TNRC6B: variants seen among roughly 807,000 people sequenced by gnomAD.
TNRC6B encodes trinucleotide repeat containing adaptor 6B, also known as trinucleotide repeat-containing gene 6B protein.
A neutral mutation model predicts 203.6 loss-of-function variants in TNRC6B; 52 were observed. The ratio of observed to expected loss-of-function variants is 0.26; its 90% CI spans 0.20 to 0.32. The LOEUF is 0.32. TNRC6B is among the 10% of genes least tolerant of loss of function. TNRC6B has a pLI of 1.00. For synonymous variants in TNRC6B, 838 were observed against 845.7 expected, an observed-to-expected ratio of 0.99 and a Z score of 0.16; for missense variants, 1,923 against 2,286.2, an observed-to-expected ratio of 0.84 and a Z score of 3.24.
intron 22 of TNRC6B, among the ~76,000 whole-genome samples, chr22:40,322,192 CTAAG>C (rs1210683397): frequency 6.6e-6 from 1 of 152,182 alleles, no homozygotes; most frequent in African/African-American, 2.4e-5. Flanking sequence ...TCCTTTTTAT[CTAAG>C]GCTTTATTTA....
At chr22:40,189,818 A>C (rs942057298) in intron 1 of TNRC6B, among the ~76,000 whole-genome samples, 1 of 152,198 alleles carries the variant, frequency 6.6e-6, no homozygotes, top group Non-Finnish European at 1.5e-5. Flanking sequence ...AGGTTGAAAA[A>C]GACACATTGG....
chr22:40,159,087 C>G (rs1249973667), intron 4 of TNRC6B, among the ~76,000 whole-genome samples: 1 of 151,476 alleles, frequency 6.6e-6, no homozygotes, highest in East Asian at 2.0e-4. Flanking sequence ...CTCAGCCTCC[C>G]GAGTAGCTGG....
intron 15 of TNRC6B, among the ~76,000 whole-genome samples, chr22:40,303,432 T>G (rs1569061982): frequency 6.6e-6 from 1 of 152,264 alleles, no homozygotes; most frequent in Non-Finnish European, 1.5e-5. Flanking sequence ...GTTTCATAAG[T>G]AACTTGTAAA....
At chr22:40,138,176 G>A (rs984701590) in intron 3 of TNRC6B, among the ~76,000 whole-genome samples, 1 of 152,210 alleles carries the variant, frequency 6.6e-6, no homozygotes, top group African/African-American at 2.4e-5. Flanking sequence ...CAGGAAGGAT[G>A]GGAGGAGAGC....
At chr22:40,128,483 T>C (rs2068513253) in intron 3 of TNRC6B, among the ~76,000 whole-genome samples, 1 of 152,188 alleles carries the variant, frequency 6.6e-6, no homozygotes, top group South Asian at 2.1e-4. Context: ...TTGTTCAATA[T>C]ATTTTTTTTG....
chr22:40,225,122 A>T (rs531732370), intron 1 of TNRC6B, among the ~76,000 whole-genome samples: 21 of 152,302 alleles, frequency 1.4e-4, no homozygotes, highest in African/African-American at 4.3e-4. Context: ...ATAAAATTTG[A>T]TTTTAAAGTG....
chr22:40,204,735 A>G (rs2069458114), intron 1 of TNRC6B, among the ~76,000 whole-genome samples: 1 of 152,162 alleles, frequency 6.6e-6, no homozygotes, highest in African/African-American at 2.4e-5. Flanking sequence ...GGCTACTAAG[A>G]AGCTCTGCTG....
Position 40,246,107 on chromosome 22 carries a change from G to GTTTAATCAGTTAA in TNRC6B, c.93+6_93+18dup, listed in dbSNP as rs1172969747. 3 of 1,543,598 alleles carry GTTTAATCAGTTAA rather than the reference G, an allele frequency of 1.9e-6. No homozygotes were observed. The East Asian group carries it at 7.4e-5, about 38-fold the overall frequency. Reference sequence around the variant, plus strand: ...AAAAAAGAAGCCACTCAGAAGGTAGGTTTAATCAGTTAAGTCTGTCTTTTT... The same window carrying GTTTAATCAGTTAA: ...AAAAAAGAAGCCACTCAGAAGGTAGGTTTAATCAGTTAATTTAATCAGTTAAGTCTGTCTTTTT... On this transcript the variant is annotated splice_donor_region_variant and intron_variant, in intron 2 of 22. Transcript: ENST00000454349.
chr22:40,181,387 A>G (rs1231796902), intron 1 of TNRC6B, among the ~76,000 whole-genome samples: 2 of 151,982 alleles, frequency 1.3e-5, no homozygotes, highest in Non-Finnish European at 2.9e-5. Context: ...CTGCTCCATG[A>G]CTGAAAAGTT....
intron 4 of TNRC6B, among the ~76,000 whole-genome samples, chr22:40,263,782 A>T (rs796091378): frequency 3.9e-5 from 6 of 152,306 alleles, no homozygotes; most frequent in African/African-American, 1.4e-4. Flanking sequence ...TACTCATGTG[A>T]CACCCCTGCC....
chr22:40,227,667 A>G (rs1276258345), intron 1 of TNRC6B, among the ~76,000 whole-genome samples: 1 of 152,094 alleles, frequency 6.6e-6, no homozygotes, highest in Non-Finnish European at 1.5e-5. Context: ...TTACCTTTTA[A>G]TGGAATTTCA....
At position 40,266,477 on chromosome 22, in the gene TNRC6B, G is replaced by T. The variant is rs200598254; in HGVS notation, c.2247G>T (p.Trp749Cys). 10 of 1,613,674 alleles carry T rather than the reference G, an allele frequency of 6.2e-6. No homozygotes were observed. The highest frequency in any genetic ancestry group is 1.7e-5 in the Admixed American group (1 of 59,976). Reference protein sequence around the residue: ...NQGWSSGKNGWGEEVDQTKNS... With the variant: ...NQGWSSGKNGCGEEVDQTKNS... ...GATGGTCTTCTGGAAAGAATGGTTG[G>T]GGGGAGGAAGTCGATCAGACAAAAA... The change falls in exon 5 of 23, where the codon TGG becomes TGT. Residue 749 changes from tryptophan (W) to cysteine (C), a missense_variant. Coordinates refer to ENST00000454349, the MANE Select transcript of TNRC6B (RefSeq NM_001162501.2).
chr22:40,084,083 G>C (rs532375677), intron 1 of TNRC6B, among the ~76,000 whole-genome samples: 2 of 152,308 alleles, frequency 1.3e-5, no homozygotes, highest in African/African-American at 4.8e-5. Flanking sequence ...GGAGTTGCTT[G>C]AGTTCTGGGA....
Position 40,099,177 on chromosome 22 carries a change from G to A in TNRC6B, c.-120-17878G>A, listed in dbSNP as rs570046148. On this transcript the variant is annotated intron_variant, in intron 1 of 23. Coordinates refer to the TNRC6B transcript ENST00000301923. Reference sequence around the variant, plus strand: ...AGGCAGGAGAATTGCTTGAACCTGGGAGGCAGAGCTTGTGGTGAGCTGAGA... The same window carrying A: ...AGGCAGGAGAATTGCTTGAACCTGGAAGGCAGAGCTTGTGGTGAGCTGAGA... Among the ~76,000 whole-genome samples, 124 of 151,698 alleles carry A rather than the reference G, an allele frequency of 8.2e-4. 4 individuals carry two copies. In the South Asian group the frequency reaches 0.025, roughly 31 times the overall value.
intron 1 of TNRC6B, among the ~76,000 whole-genome samples, chr22:40,242,543 G>T (rs2070045747): frequency 1.3e-5 from 2 of 151,558 alleles, no homozygotes; most frequent in South Asian, 4.2e-4. Flanking sequence ...CGATTGTCCT[G>T]CCTCAGCCTC....
In TNRC6B at chr22:40,273,533, G is replaced by A. The variant is rs1457446325; in HGVS notation, c.3074G>A (p.Gly1025Asp). Residue 1025 changes from glycine to aspartate, a missense_variant, in exon 7 of 23, where the codon GGC becomes GAC. Physicochemically the swap from Gly to Asp is moderately conservative, Grantham distance 94 (BLOSUM62 -1). Around this residue, in one of 8 missense-constraint regions of TNRC6B, gnomAD observed 599 missense variants for 656.5 expected, o/e 0.91. Coordinates refer to ENST00000454349, the MANE Select transcript of TNRC6B (RefSeq NM_001162501.2). ...GATGGAGGAGTCTGGAACACCACTG[G>A]CTCTCAGGGCAGTGCTTCCTCCCAC... ...EEDGGVWNTT[G>D]SQGSASSHNS... The A allele has an allele frequency of 3.1e-6, 5 of 1,595,472 alleles. No individual in the cohort carries two copies. The highest frequency in any genetic ancestry group is 1.8e-5 in the Admixed American group (1 of 57,048).
At chr22:40,130,996 G>A (rs529990938) in intron 3 of TNRC6B, among the ~76,000 whole-genome samples, 332 of 151,004 alleles carry the variant, frequency 2.2e-3, no homozygotes, top group African/African-American at 7.7e-3. Context: ...CCGCCTCCCG[G>A]GTTCACGCCA....
intron 12 of TNRC6B, among the ~76,000 whole-genome samples, chr22:40,293,946 G>T (rs1008133738): frequency 5.4e-5 from 7 of 128,566 alleles, no homozygotes; most frequent in African/African-American, 2.0e-4. Context: ...GCTCTACCTA[G>T]AAAAAAAAAA....
chr22:40,050,640 TC>T (rs1255009898), intron 1 of TNRC6B, among the ~76,000 whole-genome samples: 3 of 152,094 alleles, frequency 2.0e-5, no homozygotes, highest in Non-Finnish European at 2.9e-5. Context: ...TGTTATTTTT[TC>T]ATAGCTGTCA....
Sources: allele counts gnomAD v4.1 joint callset (sites outside exome capture counted in the v4.1 genomes callset), GRCh38; gene constraint gnomAD v4.1.1; regional missense constraint gnomAD v4.1.1; transcripts MANE v1.5; gene names NCBI Gene and HGNC (gene_info 2026-07-23, HGNC 2026-07-21).